RNF19B: variants seen among roughly 807,000 people sequenced by gnomAD.
RNF19B encodes E3 ubiquitin-protein ligase RNF19B.
In RNF19B, 23 loss-of-function variants were observed where a neutral mutation model predicts 65.5. The ratio of observed to expected loss-of-function variants is 0.35; its 90% CI spans 0.25 to 0.50. The LOEUF is 0.50. Among genes scored for constraint, RNF19B ranks in the 20% least tolerant of loss-of-function variants. RNF19B has a pLI of 0.98. For synonymous variants in RNF19B, 372 were observed against 379.6 expected, an observed-to-expected ratio of 0.98 and a Z score of 0.23; for missense variants, 794 against 980.0, an observed-to-expected ratio of 0.81 and a Z score of 2.53.
intron 1 of RNF19B, among the ~76,000 whole-genome samples, chr1:32,963,765 C>A (rs879156137): frequency 6.6e-6 from 1 of 151,884 alleles, no homozygotes; most frequent in Admixed American, 6.6e-5. Context: ...CACCTCCGGA[C>A]AGAGGGCATT....
Position 32,949,616 on chromosome 1 carries a change from C to T in RNF19B, c.794G>A (p.Arg265Gln), listed in dbSNP as rs772625181. The T allele has an allele frequency of 3.7e-6, 6 of 1,613,770 alleles. No homozygotes were observed. Among genetic ancestry groups the T allele is most frequent in the Non-Finnish European group, 5.1e-6 (6 of 1,180,020 alleles). The change falls in exon 2 of 9, where the codon CGG (arginine) becomes CAG (glutamine). Residue 265 changes from arginine (R) to glutamine (Q), a missense_variant. By Grantham distance (43) the Arg-to-Gln change is conservative. Transcript: ENST00000235150. Reference protein sequence around the residue: ...RQQRAQTLRVRTKHTSGLSYG... With the variant: ...RQQRAQTLRVQTKHTSGLSYG... ...ACTGAGACCTGAAGTGTGTTTGGTC[C>T]GAACTCGTAAAGTCTGGGCCCTCTG...
intron 8 of RNF19B, 167 bp from the exon 9 acceptor site, chr1:32,937,426 T>C: frequency 9.1e-7 from 1 of 1,094,274 alleles, no homozygotes; most frequent in South Asian, 1.4e-5. Context: ...TCAAATGAGA[T>C]GGAGGCTGGA....
rs1406740253 is a variant in RNF19B, at chr1:32,948,216, T to C, written c.983+6A>G. 1 of 1,613,332 alleles carries C rather than the reference T, an allele frequency of 6.2e-7. No homozygotes were observed. The highest frequency in any genetic ancestry group is 8.5e-7 in the Non-Finnish European group (1 of 1,179,626). On this transcript the variant is annotated splice_donor_region_variant and intron_variant, in intron 3 of 8. Transcript: ENST00000235150. ...ACGAAAGGAATGGATGCATTTCCCA[T>C]CTTACCTGAGGTAATGCAAGTCTGA...
chr1:32,943,771 T>C (rs540555454), intron 6 of RNF19B, among the ~76,000 whole-genome samples: 4 of 152,206 alleles, frequency 2.6e-5, no homozygotes, highest in Non-Finnish European at 5.9e-5. Flanking sequence ...TAATCACTAC[T>C]ACTACCAGCA....
At chr1:32,935,595 A>G (rs1243248189), downstream of RNF19B, among the ~76,000 whole-genome samples, 1 of 152,216 alleles carries the variant, frequency 6.6e-6, no homozygotes, top group African/African-American at 2.4e-5. Flanking sequence ...TATTTAAACC[A>G]GATTAGCAAA....
At position 32,948,218 on chromosome 1, in the gene RNF19B, T is replaced by C. The variant is rs773782530; in HGVS notation, c.983+4A>G. ...GAAAGGAATGGATGCATTTCCCATC[T>C]TACCTGAGGTAATGCAAGTCTGAGA... is the stretch of plus-strand genomic sequence containing the variant. On this transcript the variant is annotated splice_donor_region_variant and intron_variant, in intron 3 of 8. Coordinates refer to ENST00000235150, the MANE Select transcript of RNF19B (RefSeq NM_001300826.2). 1 of 1,613,502 alleles carries C rather than the reference T, an allele frequency of 6.2e-7. No homozygotes were observed. The highest frequency in any genetic ancestry group is 1.1e-5 in the South Asian group (1 of 91,032).
In RNF19B at chr1:32,964,796, G is replaced by A. The variant is rs1367788413; in HGVS notation, c.-111C>T. 7 of 1,048,334 alleles carry A rather than the reference G, an allele frequency of 6.7e-6. No homozygotes were observed. The East Asian group carries it at 1.5e-4, about 22-fold the overall frequency. The allele number at this position is 1,048,334 out of a possible 1,614,324, so 64.9% of individuals were successfully genotyped here. ...CGACGCCGCCACCACCGCCTCAACC[G>A]CCCTCCCGGCGATAGAAGCCGAGCG... On this transcript the variant is annotated 5_prime_UTR_variant, in exon 1 of 9. Transcript: ENST00000235150. This position sits in a 1 kb window ranked among gnomAD's most constrained non-coding sequence, Gnocchi z 6.5.
At chr1:32,939,115 C>T (rs1203900394) in intron 7 of RNF19B, among the ~76,000 whole-genome samples, 1 of 152,290 alleles carries the variant, frequency 6.6e-6, no homozygotes, top group South Asian at 2.1e-4. Flanking sequence ...AACAAAGGAA[C>T]TATCACTTCC....
chr1:32,958,302 T>A (rs1470258797), intron 1 of RNF19B, among the ~76,000 whole-genome samples: 1 of 152,258 alleles, frequency 6.6e-6, no homozygotes, highest in African/African-American at 2.4e-5. Flanking sequence ...CTTGTTTTAT[T>A]TTGTTTAACT....
At chr1:32,942,877 A>G (rs944228619) in intron 6 of RNF19B, among the ~76,000 whole-genome samples, 1 of 152,036 alleles carries the variant, frequency 6.6e-6, no homozygotes, top group Non-Finnish European at 1.5e-5. Flanking sequence ...GCGGTGGCTC[A>G]CGCCTGTACT....
intron 1 of RNF19B, 123 bp from the exon 2 acceptor site, chr1:32,949,897 A>G (rs1642451694): frequency 2.8e-6 from 2 of 705,212 alleles, no homozygotes; most frequent in Non-Finnish European, 4.9e-6. Context: ...CAGAGAAAAG[A>G]ATACACATAC....
chr1:32,955,047 T>C (rs1642602343), intron 1 of RNF19B, among the ~76,000 whole-genome samples: 1 of 152,124 alleles, frequency 6.6e-6, no homozygotes, highest in Non-Finnish European at 1.5e-5. Context: ...GTTGCCTACT[T>C]CGTGGGTGTG....
At chr1:32,959,384 G>A (rs1642716874) in intron 1 of RNF19B, among the ~76,000 whole-genome samples, 1 of 152,208 alleles carries the variant, frequency 6.6e-6, no homozygotes, top group Non-Finnish European at 1.5e-5. Flanking sequence ...GATTCTGAAA[G>A]GGTTTTAAGA....
At position 32,936,978 on chromosome 1, in the gene RNF19B, T is replaced by A; in HGVS notation, c.2024A>T (p.Asp675Val). 4.3e-6 allele frequency: 7 copies of A among 1,614,110 alleles called. No individual in the cohort carries two copies. The highest frequency in any genetic ancestry group is 5.9e-6 in the Non-Finnish European group (7 of 1,180,006). Residue 675 changes from aspartate (D) to valine (V), a missense_variant, in exon 9 of 9, where the codon GAT becomes GTT. Physicochemically the swap from Asp to Val is radical, Grantham distance 152. This residue lies in a region of RNF19B where 368 missense variants were observed against 447.3 expected (regional missense o/e 0.82). Coordinates refer to ENST00000235150, the MANE Select transcript of RNF19B (RefSeq NM_001300826.2). ...CTCATCTGAGGTGATGTCTGGCACA[T>A]CGTCTGACTGTGCATCAGAACTCTC... The part of the protein sequence containing the change: ...DLESSDAQSD[D>V]VPDITSDECG...
At position 32,938,582 on chromosome 1, in the gene RNF19B, G is replaced by A. The variant is rs563956267; in HGVS notation, c.1611-54C>T. 8.3e-6 allele frequency: 13 copies of A among 1,568,572 alleles called. No individual in the cohort carries two copies. In the East Asian group the frequency reaches 2.7e-4, roughly 33 times the overall value. ...TATGAGACCTGGGTATTCCAAGACA[G>A]TCTGCTTCCTGGCACACATCTCTTC... is the stretch of plus-strand genomic sequence containing the variant. On this transcript the variant is annotated intron_variant, in intron 7 of 8. Transcript: ENST00000235150.
chr1:32,952,864 G>A (rs1266871271), intron 1 of RNF19B, among the ~76,000 whole-genome samples: 1 of 150,604 alleles, frequency 6.6e-6, no homozygotes, highest in Non-Finnish European at 1.5e-5. Context: ...AGTGAGCCAC[G>A]TTTGCGCCAC....
At chr1:32,954,343 C>T (rs922626045) in intron 1 of RNF19B, among the ~76,000 whole-genome samples, 1 of 151,826 alleles carries the variant, frequency 6.6e-6, no homozygotes, top group Non-Finnish European at 1.5e-5. Flanking sequence ...TCTATTACTA[C>T]GACACAGAAT....
chr1:32,961,263 T>C (rs1163670210), intron 1 of RNF19B, among the ~76,000 whole-genome samples: 2 of 152,212 alleles, frequency 1.3e-5, no homozygotes, highest in Non-Finnish European at 1.5e-5. Context: ...TCTAGTATCT[T>C]TGGCTTTCTC....
chr1:32,943,012 G>A (rs1642275132), intron 6 of RNF19B, among the ~76,000 whole-genome samples: 1 of 151,712 alleles, frequency 6.6e-6, no homozygotes, highest in Non-Finnish European at 1.5e-5. Context: ...GTGGTGGCGG[G>A]TGCCTGTAGT....
Sources: gnomAD v4.1 joint callset for allele counts (sites outside exome capture counted in the v4.1 genomes callset) on GRCh38, gnomAD v4.1.1 for gene constraint, gnomAD v4.1.1 regional missense constraint, Gnocchi (gnomAD v3.1) non-coding constraint, MANE v1.5 for transcripts, NCBI Gene and HGNC (gene_info 2026-07-23, HGNC 2026-07-21) for gene names.